The following MAP2 variants were observed in gnomAD, a reference collection of about 807,000 sequenced individuals.
MAP2 encodes the protein microtubule-associated protein 2.
Under a neutral mutation model 137.6 loss-of-function variants are expected in MAP2, and 14 were observed. The observed-to-expected ratio is 0.10, with a 90% CI of 0.07 to 0.16. The LOEUF (loss-of-function observed/expected upper bound fraction) is 0.16, where lower values mean the gene tolerates loss of function less well. Among genes scored for constraint, MAP2 ranks in the 10% least tolerant of loss-of-function variants. The probability of loss-of-function intolerance (pLI) is 1.00; values close to 1 mark genes in which losing one functional copy is unlikely to be tolerated. For missense variants in MAP2, 2,088 were observed against 2,191.5 expected (o/e 0.95, Z 0.94); for synonymous variants, 786 against 782.3 (o/e 1.00, Z -0.08).
intron 2 of MAP2, among the ~76,000 whole-genome samples, chr2:209,553,683 A>G (rs112003657): frequency 0.02 from 2,998 of 152,212 alleles, 96 homozygotes; most frequent in African/African-American, 0.068. Flanking sequence ...TTATGCCTCT[A>G]TTTATCTTAT....
chr2:209,436,368 G>A (rs985700699), intron 1 of MAP2, among the ~76,000 whole-genome samples: 18 of 151,550 alleles, frequency 1.2e-4, no homozygotes, highest in African/African-American at 2.7e-4. Flanking sequence ...TGGGCCACGC[G>A]TAGTCTCTAT....
intron 7 of MAP2, among the ~76,000 whole-genome samples, chr2:209,683,283 T>C (rs952304405): frequency 3.9e-5 from 6 of 152,200 alleles, no homozygotes; most frequent in African/African-American, 1.4e-4. Context: ...AACCTCTTAT[T>C]GAAAGTAATT....
chr2:209,727,818 A>G (rs1347248478), intron 14 of MAP2, among the ~76,000 whole-genome samples: 1 of 152,154 alleles, frequency 6.6e-6, no homozygotes, highest in Non-Finnish European at 1.5e-5. Flanking sequence ...AGATATCTGG[A>G]TTCTCTAACA....
chr2:209,437,153 A>G (rs1351216578), intron 1 of MAP2, among the ~76,000 whole-genome samples: 1 of 151,664 alleles, frequency 6.6e-6, no homozygotes, highest in Admixed American at 6.6e-5. Context: ...CTGTTGGAGG[A>G]CATTTGTTAA....
chr2:209,522,762 G>A (rs528028916), intron 2 of MAP2, among the ~76,000 whole-genome samples: 73 of 152,040 alleles, frequency 4.8e-4, no homozygotes, highest in Non-Finnish European at 7.6e-4. Flanking sequence ...CTTCATTCAG[G>A]GAAAGTATCA....
At chr2:209,658,983 T>C (rs531941534) in intron 5 of MAP2, among the ~76,000 whole-genome samples, 2 of 152,316 alleles carry the variant, frequency 1.3e-5, no homozygotes, top group South Asian at 4.1e-4. Flanking sequence ...TTTTGCAATT[T>C]CCATGAGGAT....
At chr2:209,539,706 A>G (rs1231576913) in intron 2 of MAP2, among the ~76,000 whole-genome samples, 1 of 149,916 alleles carries the variant, frequency 6.7e-6, no homozygotes, top group African/African-American at 2.5e-5. Context: ...AAAATTAACA[A>G]TCTGCTTTTT....
At chr2:209,496,880 C>G (rs1430910649) in intron 1 of MAP2, among the ~76,000 whole-genome samples, 1 of 152,110 alleles carries the variant, frequency 6.6e-6, no homozygotes, top group Non-Finnish European at 1.5e-5. Flanking sequence ...ACTGTAACCT[C>G]ATATGCCTCT....
chr2:209,648,124 C>T (rs1427802885), intron 4 of MAP2, among the ~76,000 whole-genome samples: 7 of 144,576 alleles, frequency 4.8e-5, no homozygotes, highest in African/African-American at 7.7e-5. Flanking sequence ...TTTTTTTTAA[C>T]GCAGTCTCAC....
rs1410115682 is a variant in MAP2 at position 209,694,288 on chromosome 2, G to T, written c.2118G>T (p.Met706Ile). 2 of 1,614,148 alleles carry T rather than the reference G, an allele frequency of 1.2e-6. No individual in the cohort carries two copies. Among genetic ancestry groups the T allele is most frequent in the Admixed American group, 1.7e-5 (1 of 60,024 alleles). ...GAAGCATGTCAATCAATTTGCCGAT[G>T]TCTTGCCTAGATTCCATAGCCCTTG... ...EQRSMSINLP[M>I]SCLDSIALGF... The change falls in exon 8 of 16, where the codon ATG (methionine) becomes ATT (isoleucine). Residue 706 changes from methionine (M) to isoleucine (I), a missense_variant. By Grantham distance (10) the Met-to-Ile change is conservative. Around this residue, in one of 6 missense-constraint regions of MAP2, gnomAD observed 18 missense variants for 41.6 expected, o/e 0.43. Coordinates refer to ENST00000682079, the MANE Select transcript of MAP2 (RefSeq NM_001375505.1).
intron 11 of MAP2, 59 bp downstream of exon 11, chr2:209,700,397 ACAT>A: frequency 7.8e-7 from 1 of 1,288,168 alleles, no homozygotes; most frequent in South Asian, 1.3e-5. Context: ...ATTAGCTGTA[ACAT>A]CAGAATAACT....
At chr2:209,437,436 T>G (rs10932301) in intron 1 of MAP2, among the ~76,000 whole-genome samples, 1 of 151,362 alleles carries the variant, frequency 6.6e-6, no homozygotes, top group Admixed American at 6.6e-5. Flanking sequence ...CTGGGACTTA[T>G]AGTATAACTG....
In MAP2 at chr2:209,617,371, T is replaced by C. The variant is rs566937425; in HGVS notation, c.-106-7682T>C. 3.3e-5 allele frequency among the ~76,000 whole-genome samples: 5 copies of C among 152,260 alleles called. No homozygotes were observed. The South Asian group carries it at 1.0e-3, about 32-fold the overall frequency. On this transcript the variant is annotated intron_variant, in intron 3 of 15. Transcript: ENST00000682079. ...AGTGTAGGTTGATTCTTGCCAAACC[T>C]ACCTAATCAGATTCTTGCTGAAGGC...
chr2:209,598,656 C>T (rs1220042132), intron 3 of MAP2, among the ~76,000 whole-genome samples: 4 of 145,158 alleles, frequency 2.8e-5, no homozygotes, highest in African/African-American at 1.0e-4. Flanking sequence ...GTCCATGTGA[C>T]CTCATTGTTC....
intron 4 of MAP2, among the ~76,000 whole-genome samples, chr2:209,648,389 G>A (rs921451757): frequency 1.3e-5 from 2 of 151,900 alleles, no homozygotes; most frequent in Non-Finnish European, 2.9e-5. Flanking sequence ...GTGAGCCACC[G>A]GTGCCTGGCC....
intron 5 of MAP2, among the ~76,000 whole-genome samples, chr2:209,656,016 T>C (rs2095119155): frequency 6.6e-6 from 1 of 152,204 alleles, no homozygotes; most frequent in Admixed American, 6.5e-5. Context: ...AATGCAATCG[T>C]CATCTTCTTC....
intron 1 of MAP2, among the ~76,000 whole-genome samples, chr2:209,490,604 G>GAAAAAAAAAAAAAAAAAAAAAAAA (rs2058966518): frequency 5.9e-4 from 1 of 1,686 alleles, no homozygotes; most frequent in Non-Finnish European, 1.1e-3. Flanking sequence ...CAAATGGAAA[G>GAAAAAAAAAAAAAAAAAAAAAAAA]CAAAAAAAAA....
intron 2 of MAP2, among the ~76,000 whole-genome samples, chr2:209,553,632 G>A (rs374055594): frequency 4.6e-5 from 7 of 152,134 alleles, no homozygotes; most frequent in African/African-American, 1.7e-4. Flanking sequence ...TAACTTCTCA[G>A]TTGAAGTCCA....
intron 5 of MAP2, among the ~76,000 whole-genome samples, chr2:209,668,736 T>C (rs953799086): frequency 9.2e-5 from 14 of 152,098 alleles, no homozygotes; most frequent in African/African-American, 3.4e-4. Context: ...CAATTTTACA[T>C]ATTTAGAATT....
Sources: allele counts gnomAD v4.1 joint callset (sites outside exome capture counted in the v4.1 genomes callset), GRCh38; gene constraint gnomAD v4.1.1; regional missense constraint gnomAD v4.1.1; transcripts MANE v1.5; gene names NCBI Gene and HGNC (gene_info 2026-07-23, HGNC 2026-07-21).